The following PODXL2 variants were observed in gnomAD, a reference collection of about 807,000 sequenced individuals.
PODXL2 encodes podocalyxin-like protein 2.
A neutral mutation model predicts 53.4 loss-of-function variants in PODXL2; 17 were observed. That is an observed-to-expected ratio of 0.32 (90% CI 0.22 to 0.48). The LOEUF (loss-of-function observed/expected upper bound fraction) is 0.48, where lower values mean the gene tolerates loss of function less well. Among genes scored for constraint, PODXL2 ranks in the 20% least tolerant of loss-of-function variants. PODXL2 has a pLI of 0.99. For missense variants in PODXL2, 673 were observed against 760.0 expected, an observed-to-expected ratio of 0.89 and a Z score of 1.35; for synonymous variants, 311 against 306.7, an observed-to-expected ratio of 1.01 and a Z score of -0.15.
chr3:127,639,162 T>C (rs2074597324), intron 1 of PODXL2, 83 bp from the exon 2 acceptor site: 2 of 1,385,104 alleles, frequency 1.4e-6, no homozygotes, highest in African/African-American at 2.9e-5. Context: ...AGGACCTTTG[T>C]CATTTGAGAC....
At chr3:127,658,118 G>C (rs1042062948) in intron 2 of PODXL2, among the ~76,000 whole-genome samples, 1 of 152,066 alleles carries the variant, frequency 6.6e-6, no homozygotes, top group African/African-American at 2.4e-5. Context: ...GGTGGAAGAG[G>C]GGGAGGATCT....
intron 5 of PODXL2, 108 bp from the exon 6 acceptor site, chr3:127,669,032 GA>G: frequency 1.5e-6 from 1 of 664,142 alleles, no homozygotes; most frequent in Non-Finnish European, 2.6e-6. Context: ...TTTGAGCCAG[GA>G]AGGGAGACAG....
chr3:127,639,311 C>T lies in PODXL2; in HGVS notation c.137C>T (p.Ser46Phe). The T allele has an allele frequency of 1.2e-6, 2 of 1,613,934 alleles. No individual in the cohort carries two copies. Among genetic ancestry groups the T allele is most frequent in the Non-Finnish European group, 1.7e-6 (2 of 1,180,024 alleles). Residue 46 changes from serine (S) to phenylalanine (F), a missense_variant, in exon 2 of 8, where the codon TCC (serine) becomes TTC (phenylalanine). By Grantham distance (155) the Ser-to-Phe change is radical. Around this residue, in one of 3 missense-constraint regions of PODXL2, gnomAD observed 588 missense variants for 668.3 expected, o/e 0.88. Transcript: ENST00000342480. ...GGCCCAGAGGGCCTCACCTCCACCT[C>T]CCTGCTAGACCTCCTGCTGCCCACT... ...EPGPEGLTST[S>F]LLDLLLPTGL...
intron 2 of PODXL2, among the ~76,000 whole-genome samples, chr3:127,641,159 G>A (rs550111492): frequency 4.9e-4 from 75 of 152,130 alleles, no homozygotes; most frequent in African/African-American, 1.7e-3. Context: ...TGATCTGCCC[G>A]TCTCGGCCTC....
At chr3:127,651,135 G>A (rs1576430597) in intron 2 of PODXL2, among the ~76,000 whole-genome samples, 1 of 152,140 alleles carries the variant, frequency 6.6e-6, no homozygotes, top group Admixed American at 6.5e-5. Context: ...GTGGTTGCGG[G>A]CACTTTAATC....
At position 127,665,900 on chromosome 3, in the gene PODXL2, C is replaced by T. The variant is rs546738156; in HGVS notation, c.1207-2541C>T. On this transcript the variant is annotated intron_variant, in intron 4 of 7. Coordinates refer to ENST00000342480, the MANE Select transcript of PODXL2 (RefSeq NM_015720.4). Reference sequence around the variant, plus strand: ...AATTTAGCCATTTCTGCAAGGAGTCCTGCTTCCTTTTAATGAGGAAAGGTA... The same window carrying T: ...AATTTAGCCATTTCTGCAAGGAGTCTTGCTTCCTTTTAATGAGGAAAGGTA... The T allele has an allele frequency of 1.1e-5, 5 of 457,866 alleles. No individual in the cohort carries two copies. The East Asian group carries it at 3.3e-4, about 30-fold the overall frequency. The allele number at this position is 457,866 out of a possible 1,614,324, so 28.4% of individuals were successfully genotyped here. A position where few individuals can be genotyped will look rare whatever the true frequency, so the allele number is the denominator to read the frequency against.
At chr3:127,657,656 G>T (rs529357465) in intron 2 of PODXL2, among the ~76,000 whole-genome samples, 1 of 152,154 alleles carries the variant, frequency 6.6e-6, no homozygotes, top group African/African-American at 2.4e-5. Flanking sequence ...ATTGCTGTCA[G>T]ATTAATCTTC....
chr3:127,654,372 G>C (rs970143969), intron 2 of PODXL2, among the ~76,000 whole-genome samples: 2 of 152,102 alleles, frequency 1.3e-5, no homozygotes, highest in African/African-American at 4.8e-5. Context: ...GTAAAGCCTG[G>C]CTTCTTCACT....
chr3:127,641,236 T>A (rs769498790), intron 2 of PODXL2, among the ~76,000 whole-genome samples: 3 of 152,072 alleles, frequency 2.0e-5, no homozygotes, highest in Admixed American at 6.5e-5. Context: ...TATTTATTTA[T>A]GTTTAGAGTT....
At chr3:127,670,873 A>G (rs1185133967) in intron 6 of PODXL2, among the ~76,000 whole-genome samples, 1 of 152,196 alleles carries the variant, frequency 6.6e-6, no homozygotes, top group Non-Finnish European at 1.5e-5. Context: ...AGGCAGCTAC[A>G]TGCCAGCAGT....
chr3:127,655,155 C>G (rs912979192), intron 2 of PODXL2, among the ~76,000 whole-genome samples: 1 of 151,970 alleles, frequency 6.6e-6, no homozygotes, highest in Non-Finnish European at 1.5e-5. Context: ...GTTGGCCAGG[C>G]TGGTCTTGAA....
chr3:127,640,125 C>T (rs922081310), intron 2 of PODXL2, among the ~76,000 whole-genome samples: 2 of 152,146 alleles, frequency 1.3e-5, no homozygotes, highest in Non-Finnish European at 2.9e-5. Flanking sequence ...GAAGAAAGCC[C>T]GAGGCCTAGG....
intron 3 of PODXL2, among the ~76,000 whole-genome samples, chr3:127,661,839 C>T (rs981749868): frequency 1.4e-4 from 22 of 152,180 alleles, no homozygotes; most frequent in Non-Finnish European, 4.4e-5. Context: ...CACCGACACC[C>T]ATGTGCATAG....
intron 2 of PODXL2, among the ~76,000 whole-genome samples, chr3:127,649,337 T>TG (rs1311376574): frequency 6.6e-6 from 1 of 152,242 alleles, no homozygotes; most frequent in Non-Finnish European, 1.5e-5. Flanking sequence ...TTCTGCTACA[T>TG]GGACTGTGCC....
chr3:127,672,638 G>C lies in PODXL2; in HGVS notation c.*158G>C. On this transcript the variant is annotated 3_prime_UTR_variant, in exon 8 of 8. Transcript: ENST00000342480. Reference sequence around the variant, plus strand: ...CTTCCCGCTTCCCCCGACTTCACACGGCGGCTTCGGACCAACTCCCTCACT... The same window carrying C: ...CTTCCCGCTTCCCCCGACTTCACACCGCGGCTTCGGACCAACTCCCTCACT... 1 of 513,376 alleles carries C rather than the reference G, an allele frequency of 1.9e-6. No individual in the cohort carries two copies. Among genetic ancestry groups the C allele is most frequent in the Non-Finnish European group, 3.3e-6 (1 of 302,270 alleles). The allele number at this position is 513,376 out of a possible 1,614,324, so 31.8% of individuals were successfully genotyped here.
At position 127,629,300 on chromosome 3, in the gene PODXL2, T is replaced by G; in HGVS notation, c.70+11T>G. ...TTCTGCTGGTTGGGGGTGAGTGCGC[T>G]CCGGGCCCGAGCGCGGGAGGGCGGG... On this transcript the variant is annotated intron_variant, in intron 1 of 7. Coordinates refer to ENST00000342480, the MANE Select transcript of PODXL2 (RefSeq NM_015720.4). This position sits in a 1 kb window ranked among gnomAD's most constrained non-coding sequence, Gnocchi z 6.4. The G allele has an allele frequency of 9.8e-7, 1 of 1,015,996 alleles. No individual in the cohort carries two copies. Among genetic ancestry groups the G allele is most frequent in the Non-Finnish European group, 1.2e-6 (1 of 850,636 alleles). The allele number at this position is 1,015,996 out of a possible 1,614,324, so 62.9% of individuals were successfully genotyped here. A position where few individuals can be genotyped will look rare whatever the true frequency, so the allele number is the denominator to read the frequency against.
intron 1 of PODXL2, among the ~76,000 whole-genome samples, chr3:127,630,737 G>A (rs1484888530): frequency 6.6e-6 from 1 of 152,180 alleles, no homozygotes; most frequent in Non-Finnish European, 1.5e-5. Flanking sequence ...AAAGGCCCTA[G>A]GTGGTGTGCA....
intron 2 of PODXL2, among the ~76,000 whole-genome samples, chr3:127,648,413 C>T (rs925571368): frequency 1.3e-5 from 2 of 152,098 alleles, no homozygotes; most frequent in Non-Finnish European, 1.5e-5. Context: ...TAGGATGGGC[C>T]GATAGCTGTG....
At chr3:127,664,523 T>G (rs954081007) in intron 4 of PODXL2, among the ~76,000 whole-genome samples, 5 of 152,112 alleles carry the variant, frequency 3.3e-5, no homozygotes, top group African/African-American at 1.2e-4. Context: ...TACCCAGAAG[T>G]GGGGTTGCTG....
Sources: allele counts gnomAD v4.1 joint callset (sites outside exome capture counted in the v4.1 genomes callset), GRCh38; gene constraint gnomAD v4.1.1; regional missense constraint gnomAD v4.1.1; non-coding constraint Gnocchi (gnomAD v3.1); transcripts MANE v1.5; gene names NCBI Gene and HGNC (gene_info 2026-07-23, HGNC 2026-07-21).